Variants in CRACR2A observed in about 807,000 individuals in gnomAD.
CRACR2A encodes calcium release activated channel regulator 2A.
CRACR2A carries 79 observed loss-of-function variants against 90.5 expected under a neutral mutation model. The observed-to-expected ratio is 0.87, with a 90% CI of 0.73 to 1.05. CRACR2A has a LOEUF of 1.05. Ranked by LOEUF, CRACR2A falls within the 50% of genes least tolerant of loss-of-function variation. The probability of loss-of-function intolerance (pLI) is 0.00; values close to 1 mark genes in which losing one functional copy is unlikely to be tolerated. For synonymous variants in CRACR2A, 338 were observed against 356.7 expected, an observed-to-expected ratio of 0.95 and a Z score of 0.59; for missense variants, 823 against 897.2, an observed-to-expected ratio of 0.92 and a Z score of 1.06.
chr12:3,662,908 A>G (rs191416009), intron 7 of CRACR2A, among the ~76,000 whole-genome samples: 95 of 152,348 alleles, frequency 6.2e-4, no homozygotes, highest in African/African-American at 2.2e-3. Flanking sequence ...TATCATATAC[A>G]TCCTCGTTGC....
chr12:3,727,596 C>G (rs754689114), intron 2 of CRACR2A: 7 of 152,130 alleles, frequency 4.6e-5, no homozygotes, highest in Non-Finnish European at 8.8e-5. Flanking sequence ...GCAGGGAGAT[C>G]ATCTCGTCAT....
intron 2 of CRACR2A, among the ~76,000 whole-genome samples, chr12:3,723,097 T>C (rs954833335): frequency 6.6e-6 from 1 of 152,190 alleles, no homozygotes; most frequent in Non-Finnish European, 1.5e-5. Flanking sequence ...GTGTAACTAG[T>C]GAACATCTAT....
At chr12:3,664,295 A>G (rs931157701) in intron 7 of CRACR2A, among the ~76,000 whole-genome samples, 2 of 152,196 alleles carry the variant, frequency 1.3e-5, no homozygotes, top group Non-Finnish European at 2.9e-5. Flanking sequence ...AGGGATATAT[A>G]TTCTATTTGT....
chr12:3,737,895 C>G (rs1015450373), intron 1 of CRACR2A, among the ~76,000 whole-genome samples: 5 of 152,222 alleles, frequency 3.3e-5, no homozygotes, highest in African/African-American at 1.2e-4. Context: ...CCTAAAGGAG[C>G]CTCTCATCGA....
chr12:3,700,608 C>T (rs899212189), intron 3 of CRACR2A, among the ~76,000 whole-genome samples: 1 of 152,096 alleles, frequency 6.6e-6, no homozygotes, highest in African/African-American at 2.4e-5. Flanking sequence ...AGGATATTAG[C>T]GGGAATTAAA....
At chr12:3,666,354 T>TGTGTGTGCGC (rs372810487) in intron 7 of CRACR2A, among the ~76,000 whole-genome samples, 1 of 144,966 alleles carries the variant, frequency 6.9e-6, no homozygotes, top group African/African-American at 2.8e-5. Flanking sequence ...TGTGTGTGTG[T>TGTGTGTGCGC]GCGTGCGTGT....
intron 1 of CRACR2A, among the ~76,000 whole-genome samples, chr12:3,745,808 A>C (rs1447843058): frequency 0.05 from 265 of 5,290 alleles, 2 homozygotes; most frequent in Admixed American, 0.077. Flanking sequence ...AATAAAATAA[A>C]ATAAAATAAA....
intron 2 of CRACR2A, chr12:3,727,697 T>A (rs977960064): frequency 6.6e-6 from 1 of 152,128 alleles, no homozygotes; most frequent in South Asian, 2.1e-4. Context: ...TCTTTGAAAG[T>A]GTGAGAGGCA....
intron 4 of CRACR2A, among the ~76,000 whole-genome samples, chr12:3,696,488 CTT>C (rs78520068): frequency 0.13 from 19,451 of 152,168 alleles, 1,532 homozygotes; most frequent in Middle Eastern, 0.19. Context: ...CTTCTCGTGT[CTT>C]ACTTAAGTCC....
chr12:3,748,100 A>T (rs1223273981), intron 1 of CRACR2A, among the ~76,000 whole-genome samples: 1 of 152,186 alleles, frequency 6.6e-6, no homozygotes, highest in Non-Finnish European at 1.5e-5. Flanking sequence ...ACTGGGTGTT[A>T]AGCCTATCCA....
intron 7 of CRACR2A, chr12:3,672,622 T>G (rs752940438): frequency 2.4e-5 from 9 of 375,544 alleles, no homozygotes; most frequent in Non-Finnish European, 3.3e-5. Flanking sequence ...AGCTCATGGC[T>G]GTAAATGTTT....
chr12:3,742,413 T>A (rs1462233657), intron 1 of CRACR2A, among the ~76,000 whole-genome samples: 1 of 152,296 alleles, frequency 6.6e-6, no homozygotes, highest in East Asian at 1.9e-4. Flanking sequence ...CCCAAATCTG[T>A]GGTGATTCTA....
intron 7 of CRACR2A, among the ~76,000 whole-genome samples, chr12:3,668,238 G>C (rs758528): frequency 0.15 from 22,491 of 152,192 alleles, 1,847 homozygotes; most frequent in South Asian, 0.26. Context: ...AATAGGACTA[G>C]CATTCCAGAT....
chr12:3,664,147 TAA>T (rs1371962102), intron 7 of CRACR2A, among the ~76,000 whole-genome samples: 1 of 152,250 alleles, frequency 6.6e-6, no homozygotes, highest in East Asian at 1.9e-4. Context: ...GAGAGTTATT[TAA>T]AAGACAGTTT....
chr12:3,638,776 A>G (rs1000645969), intron 13 of CRACR2A, among the ~76,000 whole-genome samples: 1 of 152,244 alleles, frequency 6.6e-6, no homozygotes, highest in Non-Finnish European at 1.5e-5. Context: ...GGGGGACTAA[A>G]GCAATAATGA....
intron 3 of CRACR2A, among the ~76,000 whole-genome samples, chr12:3,698,650 G>A (rs979529792): frequency 5.3e-5 from 8 of 152,278 alleles, no homozygotes; most frequent in Admixed American, 3.3e-4. Flanking sequence ...GTTCTTTCTC[G>A]TCATCTCTGT....
At chr12:3,743,023 G>A (rs1180720914) in intron 1 of CRACR2A, among the ~76,000 whole-genome samples, 1 of 152,042 alleles carries the variant, frequency 6.6e-6, no homozygotes, top group Non-Finnish European at 1.5e-5. Flanking sequence ...TTTGTTTTTT[G>A]TTTTATTGGC....
In CRACR2A at chr12:3,657,055, G is replaced by A. The variant is rs369986561; in HGVS notation, c.763-649C>T. ...AGCAGGTGAGAAGGGGCCTGGCTAT[G>A]GGACGAGGAGGAAAGTGTGTGGGCT... On this transcript the variant is annotated intron_variant, in intron 8 of 19. Transcript: ENST00000440314. 3.3e-5 allele frequency among the ~76,000 whole-genome samples: 5 copies of A among 152,326 alleles called. 1 individual carries two copies. Among genetic ancestry groups the A allele is most frequent in the Admixed American group, 6.5e-5 (1 of 15,308 alleles).
chr12:3,674,339 A>T (rs1329590811), intron 6 of CRACR2A, among the ~76,000 whole-genome samples: 1 of 152,206 alleles, frequency 6.6e-6, no homozygotes, highest in African/African-American at 2.4e-5. Context: ...AGAGGCCAAT[A>T]GACAAAGGCA....
Sources: allele counts gnomAD v4.1 joint callset (sites outside exome capture counted in the v4.1 genomes callset), GRCh38; gene constraint gnomAD v4.1.1; transcripts MANE v1.5; gene names NCBI Gene and HGNC (gene_info 2026-07-23, HGNC 2026-07-21).